The following PCDH15 variants were observed in gnomAD, a reference collection of about 807,000 sequenced individuals.
PCDH15 encodes the protein protocadherin-15.
PCDH15 carries 129 observed loss-of-function variants against 178.5 expected under a neutral mutation model. That is an observed-to-expected ratio of 0.72 (90% confidence interval 0.63 to 0.84). PCDH15 has a LOEUF of 0.84. PCDH15 is among the 40% of genes least tolerant of loss of function. The pLI is 0.00. For missense variants in PCDH15, 2,230 were observed against 2,099.9 expected, an observed-to-expected ratio of 1.06 and a Z score of -1.21; for synonymous variants, 800 against 732.0, an observed-to-expected ratio of 1.09 and a Z score of -1.50.
At chr10:54,706,530 T>C (rs1455253355) in intron 1 of PCDH15, among the ~76,000 whole-genome samples, 3 of 152,176 alleles carry the variant, frequency 2.0e-5, no homozygotes, top group Non-Finnish European at 4.4e-5. Flanking sequence ...ATTTCCATGT[T>C]TCCTACTTTA....
At chr10:53,944,244 AT>A in intron 23 of PCDH15, among the ~76,000 whole-genome samples, 2 of 152,250 alleles carry the variant, frequency 1.3e-5, no homozygotes, top group African/African-American at 4.8e-5. Context: ...ATGGGAATTT[AT>A]TTTTTTAAAG....
chr10:55,556,374 C>A (rs555935618), intron 2 of PCDH15, among the ~76,000 whole-genome samples: 1 of 152,112 alleles, frequency 6.6e-6, no homozygotes, highest in Non-Finnish European at 1.5e-5. Flanking sequence ...CATATCTTTG[C>A]CTCTACCATA....
At chr10:55,256,003 T>C (rs542102733) in intron 1 of PCDH15, among the ~76,000 whole-genome samples, 1,685 of 152,262 alleles carry the variant, frequency 0.011, 31 homozygotes, top group African/African-American at 0.037. Flanking sequence ...CTTTTGGTGT[T>C]TTAGACATGA....
chr10:54,609,028 G>A (rs1381646749), intron 2 of PCDH15, among the ~76,000 whole-genome samples: 2 of 152,124 alleles, frequency 1.3e-5, no homozygotes, highest in East Asian at 3.9e-4. Context: ...CACGAATAAT[G>A]TTTCCCTGAA....
At chr10:55,273,307 C>A (rs528944404) in intron 1 of PCDH15, among the ~76,000 whole-genome samples, 1 of 152,230 alleles carries the variant, frequency 6.6e-6, no homozygotes, top group African/African-American at 2.4e-5. Flanking sequence ...GTCATTTCAA[C>A]ATCTTACTAT....
chr10:54,357,110 A>T (rs971133210), intron 5 of PCDH15, among the ~76,000 whole-genome samples: 75 of 152,138 alleles, frequency 4.9e-4, no homozygotes, highest in Non-Finnish European at 8.8e-4. Flanking sequence ...CAAGACAGGG[A>T]TGCCCTCTCT....
At chr10:54,968,465 T>G (rs2131891294) in intron 2 of PCDH15, among the ~76,000 whole-genome samples, 1 of 152,066 alleles carries the variant, frequency 6.6e-6, no homozygotes, top group Admixed American at 6.6e-5. Context: ...TTCAGGATTC[T>G]AAAAATGCTT....
intron 18 of PCDH15, among the ~76,000 whole-genome samples, chr10:54,056,587 T>C (rs761826284): frequency 6.6e-6 from 1 of 152,128 alleles, no homozygotes; most frequent in African/African-American, 2.4e-5. Context: ...TATCTTCACC[T>C]GGCCCCTCCC....
chr10:55,561,609 A>C (rs1191772281), intron 2 of PCDH15, among the ~76,000 whole-genome samples: 3 of 151,914 alleles, frequency 2.0e-5, no homozygotes, highest in Non-Finnish European at 4.4e-5. Context: ...CACTTAGTAC[A>C]TAAATAGATT....
intron 2 of PCDH15, among the ~76,000 whole-genome samples, chr10:55,125,414 C>T (rs1263782990): frequency 1.3e-5 from 2 of 151,984 alleles, no homozygotes; most frequent in Admixed American, 6.6e-5. Context: ...ATTAAAAATA[C>T]CTAACCTGAT....
intron 1 of PCDH15, among the ~76,000 whole-genome samples, chr10:55,310,926 T>A (rs565201112): frequency 6.6e-6 from 1 of 152,244 alleles, no homozygotes; most frequent in Non-Finnish European, 1.5e-5. Context: ...CTAATGTAGA[T>A]GACAGGTTGA....
intron 5 of PCDH15, among the ~76,000 whole-genome samples, chr10:54,361,358 A>G: frequency 6.6e-6 from 1 of 152,086 alleles, no homozygotes; most frequent in East Asian, 1.9e-4. Context: ...TTACTTTTAG[A>G]ATAATATTTT....
At chr10:55,457,086 A>C (rs1393152767) in intron 2 of PCDH15, among the ~76,000 whole-genome samples, 1 of 152,098 alleles carries the variant, frequency 6.6e-6, no homozygotes, top group Non-Finnish European at 1.5e-5. Flanking sequence ...GAAAGTACGA[A>C]GTCCTAAAAC....
intron 15 of PCDH15, among the ~76,000 whole-genome samples, chr10:54,095,781 T>C (rs17712325): frequency 0.066 from 9,986 of 152,200 alleles, 452 homozygotes; most frequent in Non-Finnish European, 0.098. Context: ...CCGTTAGATT[T>C]AGGGATACTC....
At chr10:53,925,867 A>G (rs1323286374) in intron 25 of PCDH15, among the ~76,000 whole-genome samples, 1 of 151,968 alleles carries the variant, frequency 6.6e-6, no homozygotes, top group Non-Finnish European at 1.5e-5. Flanking sequence ...AAGCCTCATT[A>G]TTTTACATTT....
chr10:55,257,398 G>T (rs1471892154), intron 1 of PCDH15, among the ~76,000 whole-genome samples: 1 of 152,122 alleles, frequency 6.6e-6, no homozygotes, highest in Non-Finnish European at 1.5e-5. Flanking sequence ...GTTGAGAGAA[G>T]AAGGCTTCAG....
At chr10:54,150,846 G>A (rs979190733) in intron 14 of PCDH15, among the ~76,000 whole-genome samples, 1 of 151,860 alleles carries the variant, frequency 6.6e-6, no homozygotes, top group South Asian at 2.1e-4. Context: ...GAAAAGTACA[G>A]ACTAATTTTA....
At chr10:55,374,282 A>T (rs1467332946) in intron 2 of PCDH15, among the ~76,000 whole-genome samples, 2 of 152,008 alleles carry the variant, frequency 1.3e-5, no homozygotes, top group Non-Finnish European at 2.9e-5. Flanking sequence ...CAGAAGAGGG[A>T]TGTGTGCAGG....
chr10:53,968,148 C>T (rs1269970738), intron 21 of PCDH15, among the ~76,000 whole-genome samples: 3 of 152,136 alleles, frequency 2.0e-5, no homozygotes, highest in Non-Finnish European at 2.9e-5. Flanking sequence ...GGTACACTCC[C>T]ACTCTAATAC....
Sources: gnomAD v4.1 joint callset for allele counts (sites outside exome capture counted in the v4.1 genomes callset) on GRCh38, gnomAD v4.1.1 for gene constraint, MANE v1.5 for transcripts, NCBI Gene and HGNC (gene_info 2026-07-23, HGNC 2026-07-21) for gene names.